RCOR3: variants seen among roughly 807,000 people sequenced by gnomAD.
RCOR3 encodes the protein REST corepressor 3.
In RCOR3, 13 loss-of-function variants were observed where a neutral mutation model predicts 64.1. The observed-to-expected ratio is 0.20, with a 90% CI of 0.13 to 0.32. RCOR3 has a LOEUF of 0.32. Among genes scored for constraint, RCOR3 ranks in the 10% least tolerant of loss-of-function variants. The pLI, the probability that RCOR3 is intolerant of heterozygous loss-of-function variation, is 1.00. For missense variants in RCOR3, 489 were observed against 701.2 expected, an observed-to-expected ratio of 0.70 and a Z score of 3.42; for synonymous variants, 215 against 239.0, an observed-to-expected ratio of 0.90 and a Z score of 0.93.
At chr1:211,269,194 T>C (rs1695742701) in intron 2 of RCOR3, among the ~76,000 whole-genome samples, 1 of 152,218 alleles carries the variant, frequency 6.6e-6, no homozygotes, top group Admixed American at 6.5e-5. Context: ...CCGGGTGCAG[T>C]GGCTAACACC....
At chr1:211,277,268 C>T (rs575695637) in intron 5 of RCOR3, among the ~76,000 whole-genome samples, 6 of 150,972 alleles carry the variant, frequency 4.0e-5, no homozygotes, top group Non-Finnish European at 7.4e-5. Context: ...CTGCATTAAA[C>T]GATTTTAACC....
chr1:211,259,933 C>T, intron 1 of RCOR3, 175 bp from the exon 2 acceptor site: 2 of 1,185,278 alleles, frequency 1.7e-6, no homozygotes, highest in Non-Finnish European at 2.2e-6. Context: ...TGCCCCCCCC[C>T]GCTCCCCGCC....
chr1:211,266,575 GGTTT>G (rs1023177325), intron 2 of RCOR3, among the ~76,000 whole-genome samples: 15 of 152,104 alleles, frequency 9.9e-5, no homozygotes, highest in African/African-American at 3.4e-4. Context: ...TCTAGGTTTT[GGTTT>G]GTTTTTTAAT....
At chr1:211,308,695 T>TG (rs1197999363) in intron 10 of RCOR3, among the ~76,000 whole-genome samples, 25 of 48,866 alleles carry the variant, frequency 5.1e-4, no homozygotes, top group East Asian at 1.4e-3. Context: ...TTTTTTTTTT[T>TG]TTTTGTGTAG....
chr1:211,291,289 A>G lies in RCOR3; in HGVS notation c.939+1893A>G, dbSNP rs576299898. ...AAACAGTACAGGTTGAGCATCCCTAATCTGAAAATCTGAAATGCTCCAAAA... is the reference window on the plus strand; with the variant it reads ...AAACAGTACAGGTTGAGCATCCCTAGTCTGAAAATCTGAAATGCTCCAAAA... On this transcript the variant is annotated intron_variant, in intron 8 of 11. Coordinates refer to ENST00000419091, the MANE Select transcript of RCOR3 (RefSeq NM_001136223.3). Among the ~76,000 whole-genome samples, 39 of 152,330 alleles carry G rather than the reference A, an allele frequency of 2.6e-4. No homozygotes were observed. The South Asian group carries it at 3.7e-3, about 15-fold the overall frequency.
intron 4 of RCOR3, among the ~76,000 whole-genome samples, chr1:211,275,869 T>G (rs563936328): frequency 6.6e-6 from 1 of 152,332 alleles, no homozygotes; most frequent in Admixed American, 6.5e-5. Flanking sequence ...TTGTGGCATC[T>G]GATCATTTCA....
In RCOR3 at chr1:211,271,309, T is replaced by C. The variant is rs752471684; in HGVS notation, c.301T>C (p.Leu101=). The C allele has an allele frequency of 6.2e-7, 1 of 1,612,418 alleles. No individual in the cohort carries two copies. The highest frequency in any genetic ancestry group is 8.5e-7 in the Non-Finnish European group (1 of 1,178,732). ...SPYHSIPDAK[L]DEYIAIAKEK... is the part of the protein sequence containing the mutation. ...ATATCACAGTATCCCAGATGCCAAA[T>C]GTAAGTTTTCTGAAGTTGAATGTTA... Residue 101 remains leucine (L), a splice_region_variant and synonymous_variant, in exon 3 of 12, where the codon TTG becomes CTG. Transcript: ENST00000419091.
At position 211,284,183 on chromosome 1, in the gene RCOR3, A is replaced by G. The variant is rs571765998; in HGVS notation, c.720+4867A>G. Among the ~76,000 whole-genome samples, 13 of 151,912 alleles carry G rather than the reference A, an allele frequency of 8.6e-5. No individual in the cohort carries two copies. The East Asian group carries it at 2.1e-3, about 25-fold the overall frequency. On this transcript the variant is annotated intron_variant, in intron 7 of 11. Transcript: ENST00000419091. ...ATTCTCCTACCTCAGCCTCCTGAGT[A>G]ACTGGGACTACAAGCGCCTGCCACC...
At chr1:211,309,264 T>C (rs1313436880) in intron 10 of RCOR3, among the ~76,000 whole-genome samples, 2 of 152,196 alleles carry the variant, frequency 1.3e-5, no homozygotes, top group Admixed American at 6.5e-5. Flanking sequence ...CTAAAGTCTC[T>C]ACTGCTAATA....
intron 2 of RCOR3, among the ~76,000 whole-genome samples, chr1:211,263,807 T>G (rs542953829): frequency 3.5e-4 from 13 of 37,646 alleles, no homozygotes; most frequent in Admixed American, 2.3e-3. Flanking sequence ...AGATGAAAAG[T>G]TTTTTTTGTT....
At chr1:211,286,076 A>G (rs1698479031) in intron 7 of RCOR3, among the ~76,000 whole-genome samples, 1 of 152,182 alleles carries the variant, frequency 6.6e-6, no homozygotes, top group South Asian at 2.1e-4. Context: ...TGTGTCTTAT[A>G]AGGAGCATAC....
At chr1:211,299,627 A>G (rs556594169) in intron 9 of RCOR3, among the ~76,000 whole-genome samples, 112 of 149,884 alleles carry the variant, frequency 7.5e-4, no homozygotes, top group African/African-American at 2.6e-3. Context: ...AAGATGTGAA[A>G]ACAATTTAGC....
intron 2 of RCOR3, among the ~76,000 whole-genome samples, chr1:211,270,616 AGT>A: frequency 6.6e-6 from 1 of 152,098 alleles, no homozygotes; most frequent in Middle Eastern, 3.4e-3. Flanking sequence ...ATGATCTCTA[AGT>A]AATGTATGGA....
At chr1:211,271,004 G>A (rs1444285532) in intron 2 of RCOR3, among the ~76,000 whole-genome samples, 1 of 152,012 alleles carries the variant, frequency 6.6e-6, no homozygotes, top group African/African-American at 2.4e-5. Context: ...ACAGGTGCCT[G>A]CCACCAGCCT....
At chr1:211,282,381 A>G (rs1366377568) in intron 7 of RCOR3, among the ~76,000 whole-genome samples, 1 of 152,224 alleles carries the variant, frequency 6.6e-6, no homozygotes, top group Non-Finnish European at 1.5e-5. Context: ...TTACATAGAA[A>G]GTTTTAATTT....
Position 211,278,108 on chromosome 1 carries a change from T to G in RCOR3, c.517-9T>G, listed in dbSNP as rs1476529555. The stretch of plus-strand genomic sequence containing the variant: ...TAAACTTGCTGATATTAACATGATT[T>G]TTTTTAAGCTTCCAGATAAGACAAT... On this transcript the variant is annotated splice_polypyrimidine_tract_variant and intron_variant, in intron 5 of 11. Transcript: ENST00000419091. 6.3e-7 allele frequency: 1 copy of G among 1,585,774 alleles called. No individual in the cohort carries two copies. Among genetic ancestry groups the G allele is most frequent in the Non-Finnish European group, 8.6e-7 (1 of 1,168,066 alleles).
chr1:211,259,455 G>A lies in RCOR3; in HGVS notation c.-106G>A, dbSNP rs1293873185. On this transcript the variant is annotated 5_prime_UTR_variant, in exon 1 of 12. Transcript: ENST00000419091. ...CTCCTCCTCCTCCGCCGCCGCCGCC[G>A]TCTCCTCCTCCTCCTCCTTTCCCTC... 7.2e-6 allele frequency: 8 copies of A among 1,118,614 alleles called. No homozygotes were observed. Among genetic ancestry groups the A allele is most frequent in the Non-Finnish European group, 5.0e-6 (4 of 802,402 alleles). The allele number at this position is 1,118,614 out of a possible 1,614,324, so 69.3% of individuals were successfully genotyped here.
chr1:211,305,756 G>A (rs971489315), intron 10 of RCOR3, among the ~76,000 whole-genome samples: 12 of 152,118 alleles, frequency 7.9e-5, no homozygotes, highest in Non-Finnish European at 1.3e-4. Context: ...TCTTGTGGCT[G>A]GGTTGGATAT....
Position 211,312,680 on chromosome 1 carries a change from A to G in RCOR3, c.1076-40A>G, listed in dbSNP as rs1572029156. On this transcript the variant is annotated intron_variant, in intron 10 of 11. Coordinates refer to ENST00000419091, the MANE Select transcript of RCOR3 (RefSeq NM_001136223.3). This position sits in a 1 kb window ranked among gnomAD's most constrained non-coding sequence, Gnocchi z 5.0. ...ATGTATAGTACACACAGCTCTCCTTATTGATCCTTCACAGGTGTATTATTT... is the reference window on the plus strand; with the variant it reads ...ATGTATAGTACACACAGCTCTCCTTGTTGATCCTTCACAGGTGTATTATTT... 1 of 1,413,320 alleles carries G rather than the reference A, an allele frequency of 7.1e-7. No individual in the cohort carries two copies. Among genetic ancestry groups the G allele is most frequent in the East Asian group, 2.3e-5 (1 of 43,860 alleles). The allele number at this position is 1,413,320 out of a possible 1,614,324, so 87.5% of individuals were successfully genotyped here.
Sources: allele counts gnomAD v4.1 joint callset (sites outside exome capture counted in the v4.1 genomes callset), GRCh38; gene constraint gnomAD v4.1.1; non-coding constraint Gnocchi (gnomAD v3.1); transcripts MANE v1.5; gene names NCBI Gene and HGNC (gene_info 2026-07-23, HGNC 2026-07-21).